ANGPT1: variants seen among roughly 807,000 people sequenced by gnomAD.
ANGPT1 encodes angiopoietin 1.
In ANGPT1, 17 loss-of-function variants were observed where a neutral mutation model predicts 62.2. That is an observed-to-expected ratio of 0.27 (90% CI 0.19 to 0.41). The LOEUF is 0.41. ANGPT1 is among the 10% of genes least tolerant of loss of function. The pLI, the probability that ANGPT1 is intolerant of heterozygous loss-of-function variation, is 1.00. For missense variants in ANGPT1, 478 were observed against 594.9 expected, an observed-to-expected ratio of 0.80 and a Z score of 2.04; for synonymous variants, 199 against 198.9, an observed-to-expected ratio of 1.00 and a Z score of 0.00.
intron 4 of ANGPT1, among the ~76,000 whole-genome samples, chr8:107,304,150 A>T (rs1814660204): frequency 6.6e-6 from 1 of 151,714 alleles, no homozygotes; most frequent in Non-Finnish European, 1.5e-5. Flanking sequence ...AAACACTAGA[A>T]GTCAAGTGAA....
intron 2 of ANGPT1, among the ~76,000 whole-genome samples, chr8:107,343,184 A>C (rs1419616681): frequency 6.6e-6 from 1 of 152,076 alleles, no homozygotes; most frequent in East Asian, 1.9e-4. Flanking sequence ...CGGCAGATGT[A>C]ATCATTTGTG....
intron 1 of ANGPT1, among the ~76,000 whole-genome samples, chr8:107,426,681 C>T (rs1811050486): frequency 6.6e-6 from 1 of 152,154 alleles, no homozygotes; most frequent in South Asian, 2.1e-4. Flanking sequence ...GAGCATACGC[C>T]TTCTATTCTT....
At chr8:107,371,089 C>T (rs1444743282) in intron 1 of ANGPT1, among the ~76,000 whole-genome samples, 1 of 152,040 alleles carries the variant, frequency 6.6e-6, no homozygotes, top group African/African-American at 2.4e-5. Context: ...TCGATGCAAA[C>T]AGTTACAGCT....
At chr8:107,286,044 T>C (rs17295051) in intron 6 of ANGPT1, among the ~76,000 whole-genome samples, 25,095 of 152,056 alleles carry the variant, frequency 0.17, 2,237 homozygotes, top group Non-Finnish European at 0.19. Context: ...TATTACAGCA[T>C]TTTACAATAA....
chr8:107,277,838 G>T (rs1813901454), intron 7 of ANGPT1, among the ~76,000 whole-genome samples: 1 of 152,084 alleles, frequency 6.6e-6, no homozygotes, highest in African/African-American at 2.4e-5. Flanking sequence ...TAGATGAGTG[G>T]TAGACTGTTT....
chr8:107,320,556 A>G lies in ANGPT1; in HGVS notation c.808+1340T>C, dbSNP rs540139052. On this transcript the variant is annotated intron_variant, in intron 4 of 8. Coordinates refer to ENST00000517746, the MANE Select transcript of ANGPT1 (RefSeq NM_001146.5). ...TTCTATTAAAATTCTCTGGCAAAAT[A>G]CTACCATGCTTTCCTTCCAGTGGAC... Among the ~76,000 whole-genome samples, 3 of 152,322 alleles carry G rather than the reference A, an allele frequency of 2.0e-5. No individual in the cohort carries two copies. The South Asian group carries it at 6.2e-4, about 32-fold the overall frequency.
rs146780207 is a variant in ANGPT1, at chr8:107,374,555, G to A, written c.298-27458C>T. Among the ~76,000 whole-genome samples the A allele has an allele frequency of 1.2e-3, 187 of 152,308 alleles. No individual in the cohort carries two copies. The Middle Eastern group carries it at 0.027, about 22-fold the overall frequency. On this transcript the variant is annotated intron_variant, in intron 1 of 8. Transcript: ENST00000517746. The stretch of plus-strand genomic sequence containing the variant: ...AGCTCACTAAACTCCAATGCCTGTT[G>A]TAGGACTGGGCGGTTTTCTAATTCT...
chr8:107,451,935 C>A (rs1395731627), intron 1 of ANGPT1, among the ~76,000 whole-genome samples: 1 of 151,680 alleles, frequency 6.6e-6, no homozygotes. Flanking sequence ...CCATGTTGAT[C>A]TTTGTTTTTC....
chr8:107,491,295 G>T (rs546457881), intron 1 of ANGPT1, among the ~76,000 whole-genome samples: 55 of 152,232 alleles, frequency 3.6e-4, no homozygotes, highest in South Asian at 2.3e-3. Flanking sequence ...CACTCTTCTA[G>T]GTAGAAGGTA....
chr8:107,385,710 G>A (rs1049362632), intron 1 of ANGPT1, among the ~76,000 whole-genome samples: 1 of 151,944 alleles, frequency 6.6e-6, no homozygotes, highest in African/African-American at 2.4e-5. Context: ...TTTCATTTCA[G>A]TTCTCATGGG....
chr8:107,272,823 TTA>T (rs1253864781), intron 7 of ANGPT1, among the ~76,000 whole-genome samples: 3 of 151,344 alleles, frequency 2.0e-5, no homozygotes, highest in African/African-American at 7.3e-5. Flanking sequence ...TGCTCAGTGA[TTA>T]TGTTTTTAGT....
chr8:107,383,004 T>C (rs1293631214), intron 1 of ANGPT1, among the ~76,000 whole-genome samples: 1 of 152,174 alleles, frequency 6.6e-6, no homozygotes, highest in African/African-American at 2.4e-5. Context: ...TGAAATGCTA[T>C]CTTTATTTCT....
rs1193185920 is a variant in ANGPT1 at position 107,497,453 on chromosome 8, T to A, written c.106A>T (p.Ile36Phe). 1 of 1,614,056 alleles carries A rather than the reference T, an allele frequency of 6.2e-7. No individual in the cohort carries two copies. Among genetic ancestry groups the A allele is most frequent in the Admixed American group, 1.7e-5 (1 of 59,998 alleles). ...GTGTAGGCACATTGCCCATGTTGAA[T>A]CCGGTTATATCTTCTCCCACTGTTT... is the stretch of plus-strand genomic sequence containing the variant. ...PENSGRRYNRIQHGQCAYTFI... is the reference protein window; with the variant it reads ...PENSGRRYNRFQHGQCAYTFI... Residue 36 changes from isoleucine (I) to phenylalanine (F), a missense_variant, in exon 1 of 9, where the codon ATT (isoleucine) becomes TTT (phenylalanine). Coordinates refer to ENST00000517746, the MANE Select transcript of ANGPT1 (RefSeq NM_001146.5).
At chr8:107,253,707 C>T (rs1433954931) in intron 8 of ANGPT1, among the ~76,000 whole-genome samples, 1 of 151,910 alleles carries the variant, frequency 6.6e-6, no homozygotes. Context: ...CACAGGAGTC[C>T]CAGAGGAGTG....
chr8:107,381,203 C>T lies in ANGPT1; in HGVS notation c.298-34106G>A, dbSNP rs148725487. On this transcript the variant is annotated intron_variant, in intron 1 of 8. Transcript: ENST00000517746. ...AATTTCAATGAACTTTTTTATCATG[C>T]TCATTTCACTTAATTTGGTAGTTGT... 1.1e-3 allele frequency among the ~76,000 whole-genome samples: 168 copies of T among 152,236 alleles called. 5 individuals carry two copies. The East Asian group carries it at 0.028, about 26-fold the overall frequency.
chr8:107,477,364 A>C (rs1812560660), intron 1 of ANGPT1, among the ~76,000 whole-genome samples: 2 of 152,192 alleles, frequency 1.3e-5, no homozygotes, highest in African/African-American at 4.8e-5. Flanking sequence ...CTACATTTAG[A>C]CGTGGCTGGA....
intron 1 of ANGPT1, among the ~76,000 whole-genome samples, chr8:107,355,439 C>T (rs1402593304): frequency 6.6e-6 from 1 of 152,160 alleles, no homozygotes; most frequent in Non-Finnish European, 1.5e-5. Flanking sequence ...TGTCATGTCA[C>T]TGTTCAAACT....
At chr8:107,457,865 C>T (rs970169453) in intron 1 of ANGPT1, among the ~76,000 whole-genome samples, 4 of 115,678 alleles carry the variant, frequency 3.5e-5, no homozygotes, top group African/African-American at 1.2e-4. Context: ...CACACACACA[C>T]ACCAAGAGGG....
chr8:107,332,497 T>G (rs767466255), intron 3 of ANGPT1, among the ~76,000 whole-genome samples: 2 of 152,228 alleles, frequency 1.3e-5, no homozygotes, highest in Non-Finnish European at 2.9e-5. Flanking sequence ...CTTCTGGCCA[T>G]GTAGGGGATA....
Sources: allele counts gnomAD v4.1 joint callset (sites outside exome capture counted in the v4.1 genomes callset), GRCh38; gene constraint gnomAD v4.1.1; transcripts MANE v1.5; gene names NCBI Gene and HGNC (gene_info 2026-07-23, HGNC 2026-07-21).